The following DISP1 variants were observed in gnomAD, a reference collection of about 807,000 sequenced individuals.
The protein encoded by DISP1 is dispatched RND transporter family member 1.
Under a neutral mutation model 37.3 loss-of-function variants are expected in DISP1, and 30 were observed. The ratio of observed to expected loss-of-function variants is 0.80; its 90% CI spans 0.60 to 1.09. DISP1 has a LOEUF of 1.09. Among genes scored for constraint, DISP1 ranks in the 50% least tolerant of loss-of-function variants. The pLI, the probability that DISP1 is intolerant of heterozygous loss-of-function variation, is 0.00. For missense variants in DISP1, 1,598 were observed against 1,879.5 expected (o/e 0.85, Z 2.77); for synonymous variants, 634 against 690.2 (o/e 0.92, Z 1.28).
Position 222,928,527 on chromosome 1 carries a change from T to G in DISP1, c.-61T>G, listed in dbSNP as rs1410768353. 6.6e-6 allele frequency: 1 copy of G among 152,248 alleles called. No individual in the cohort carries two copies. Among genetic ancestry groups the G allele is most frequent in the African/African-American group, 2.4e-5 (1 of 41,458 alleles). The allele number at this position is 152,248 out of a possible 1,614,324, so 9.4% of individuals were successfully genotyped here. On this transcript the variant is annotated 5_prime_UTR_variant, in exon 2 of 9. The change creates a new upstream start codon in the 5' untranslated region. Transcript: ENST00000675850. ...TTGCCGCTGTTGCTACTGCAATCAT[T>G]TGCACCAAACTGAGCCAGAGAAGTT...
intron 1 of DISP1, among the ~76,000 whole-genome samples, chr1:222,897,654 A>G (rs1671342153): frequency 6.6e-6 from 1 of 152,172 alleles, no homozygotes; most frequent in East Asian, 1.9e-4. Context: ...TGAACCTGTC[A>G]TTAATCATTT....
At chr1:222,964,927 G>A (rs1319807436) in intron 3 of DISP1, among the ~76,000 whole-genome samples, 1 of 152,102 alleles carries the variant, frequency 6.6e-6, no homozygotes, top group Admixed American at 6.6e-5. Flanking sequence ...TGGAAACGGT[G>A]CAGATTTTAC....
In DISP1 at chr1:223,004,809, G is replaced by A. The variant is rs752053269; in HGVS notation, c.3412G>A (p.Gly1138Ser). The A allele has an allele frequency of 3.1e-6, 5 of 1,611,738 alleles. No homozygotes were observed. Among genetic ancestry groups the A allele is most frequent in the Admixed American group, 3.3e-5 (2 of 60,008 alleles). ...QCMCRCLGPQGTCGQIPLPKK... is the reference protein window; with the variant it reads ...QCMCRCLGPQSTCGQIPLPKK... ...CATGTGCCGGTGCCTTGGACCACAG[G>A]GTACCTGTGGTCAGATTCCTTTACC... The change falls in exon 9 of 9, where the codon GGT becomes AGT. Residue 1138 changes from glycine (G) to serine (S), a missense_variant. Coordinates refer to ENST00000675850, the MANE Select transcript of DISP1 (RefSeq NM_001377229.1). This position sits in a 1 kb window ranked among gnomAD's most constrained non-coding sequence, Gnocchi z 4.9.
At chr1:222,851,629 G>C (rs914545487) in intron 1 of DISP1, among the ~76,000 whole-genome samples, 2 of 152,102 alleles carry the variant, frequency 1.3e-5, no homozygotes, top group Non-Finnish European at 2.9e-5. Context: ...ATTAATTGTG[G>C]CATCACTGTG....
chr1:222,931,767 T>C (rs1243422621), intron 2 of DISP1, among the ~76,000 whole-genome samples: 1 of 151,564 alleles, frequency 6.6e-6, no homozygotes, highest in Non-Finnish European at 1.5e-5. Context: ...TTTTAGAGAC[T>C]GACCAGACAT....
At chr1:222,842,373 T>C (rs992555159) in intron 1 of DISP1, among the ~76,000 whole-genome samples, 5 of 151,984 alleles carry the variant, frequency 3.3e-5, no homozygotes, top group Admixed American at 6.5e-5. Flanking sequence ...GGGTTAAATA[T>C]GGACAGAACA....
In DISP1 at chr1:222,979,750, A is replaced by G. The variant is rs1366589262; in HGVS notation, c.510-3330A>G. On this transcript the variant is annotated intron_variant, in intron 3 of 8. Coordinates refer to ENST00000675850, the MANE Select transcript of DISP1 (RefSeq NM_001377229.1). ...GAGTGGCCCTGCACTCCGTCCCTCT[A>G]TGCATACTTGGATAGCCCTGGCCAG... 6 of 448,146 alleles carry G rather than the reference A, an allele frequency of 1.3e-5. No homozygotes were observed. The East Asian group carries it at 2.1e-4, about 16-fold the overall frequency. 27.8% of individuals were successfully genotyped at this position (448,146 alleles called of 1,614,324 possible).
intron 1 of DISP1, among the ~76,000 whole-genome samples, chr1:222,874,618 T>G (rs2125353357): frequency 6.6e-6 from 1 of 152,334 alleles, no homozygotes; most frequent in East Asian, 1.9e-4. Context: ...ATCAGGTCCT[T>G]TAAGGACTTC....
At chr1:222,932,764 A>G (rs1464613112) in intron 2 of DISP1, among the ~76,000 whole-genome samples, 1 of 151,898 alleles carries the variant, frequency 6.6e-6, no homozygotes, top group East Asian at 1.9e-4. Context: ...AGTGGTAAAT[A>G]TTACATGGAA....
intron 1 of DISP1, among the ~76,000 whole-genome samples, chr1:222,918,300 G>T (rs1672607976): frequency 6.6e-6 from 1 of 152,166 alleles, no homozygotes; most frequent in Non-Finnish European, 1.5e-5. Context: ...AACCCACTAA[G>T]ATTCCCACTG....
intron 1 of DISP1, among the ~76,000 whole-genome samples, chr1:222,850,947 G>A (rs567831880): frequency 2.7e-4 from 41 of 151,944 alleles, no homozygotes; most frequent in Non-Finnish European, 4.0e-4. Context: ...TCCTTCATAG[G>A]CCTGTATCTC....
At chr1:222,817,188 C>T (rs931025060) in intron 1 of DISP1, among the ~76,000 whole-genome samples, 4 of 152,082 alleles carry the variant, frequency 2.6e-5, no homozygotes, top group East Asian at 1.9e-4. Flanking sequence ...TTTGTTATTC[C>T]GTAGGATTTA....
intron 1 of DISP1, among the ~76,000 whole-genome samples, chr1:222,919,154 C>A (rs1672664356): frequency 6.6e-6 from 1 of 152,126 alleles, no homozygotes; most frequent in South Asian, 2.1e-4. Context: ...CCTGCAATTG[C>A]CTTTCTTAAT....
chr1:222,936,817 AT>A (rs1199755354), intron 2 of DISP1, among the ~76,000 whole-genome samples: 28 of 56,218 alleles, frequency 5.0e-4, no homozygotes, highest in African/African-American at 2.0e-3. Context: ...TATAAATTAT[AT>A]ATAATATATA....
intron 2 of DISP1, among the ~76,000 whole-genome samples, chr1:222,930,649 G>A (rs1248036190): frequency 6.6e-6 from 1 of 152,026 alleles, no homozygotes; most frequent in Non-Finnish European, 1.5e-5. Flanking sequence ...AATTATTTTT[G>A]TAAGCAAACA....
intron 3 of DISP1, among the ~76,000 whole-genome samples, chr1:222,973,915 T>G (rs142846625): frequency 8.6e-4 from 131 of 152,322 alleles, no homozygotes; most frequent in African/African-American, 3.1e-3. Flanking sequence ...TTGGACCCTT[T>G]TCTCCTTTGT....
chr1:222,857,691 A>G, intron 1 of DISP1, among the ~76,000 whole-genome samples: 1 of 152,186 alleles, frequency 6.6e-6, no homozygotes, highest in East Asian at 1.9e-4. Context: ...AATTGCTACA[A>G]AGAGAATAAA....
intron 1 of DISP1, chr1:222,824,079 T>C (rs970819016): frequency 6.6e-6 from 1 of 151,780 alleles, no homozygotes; most frequent in African/African-American, 2.4e-5. Flanking sequence ...CCCAACTTGT[T>C]ATAAGATAAA....
intron 1 of DISP1, among the ~76,000 whole-genome samples, chr1:222,817,731 T>C (rs892584418): frequency 6.6e-6 from 1 of 152,140 alleles, no homozygotes; most frequent in African/African-American, 2.4e-5. Context: ...TTTTCTCCAA[T>C]AGTGACCAAG....
Sources: allele counts gnomAD v4.1 joint callset (sites outside exome capture counted in the v4.1 genomes callset), GRCh38; gene constraint gnomAD v4.1.1; non-coding constraint Gnocchi (gnomAD v3.1); transcripts MANE v1.5; gene names NCBI Gene and HGNC (gene_info 2026-07-23, HGNC 2026-07-21).